ROBO2: variants seen among roughly 807,000 people sequenced by gnomAD.
ROBO2 encodes roundabout homolog 2.
In ROBO2, 53 loss-of-function variants were observed where a neutral mutation model predicts 160.8. The ratio of observed to expected loss-of-function variants is 0.33; its 90% CI spans 0.26 to 0.41. The LOEUF (loss-of-function observed/expected upper bound fraction) is 0.41, where lower values mean the gene tolerates loss of function less well. ROBO2 is among the 10% of genes least tolerant of loss of function. ROBO2 has a pLI of 1.00. For synonymous variants in ROBO2, 664 were observed against 611.7 expected (o/e 1.09, Z -1.26); for missense variants, 1,577 against 1,722.4 (o/e 0.92, Z 1.49).
Position 75,926,663 on chromosome 3 carries a change from C to CA in ROBO2, c.-13-10817dup, listed in dbSNP as rs549455062. 1.9e-3 allele frequency among the ~76,000 whole-genome samples: 295 copies of CA among 152,258 alleles called. 2 individuals carry two copies. Among genetic ancestry groups the CA allele is most frequent in the Admixed American group, 5.7e-3 (87 of 15,302 alleles). On this transcript the variant is annotated intron_variant, in intron 1 of 26. Coordinates refer to the ROBO2 transcript ENST00000487694. ...TAAGGTGTTAAGGAACATTAGGTAT[C>CA]AGAGTTTATGGCATTTGATTAATCT... is the stretch of plus-strand genomic sequence containing the variant.
intron 2 of ROBO2, among the ~76,000 whole-genome samples, chr3:76,114,597 C>T (rs1191647335): frequency 1.3e-5 from 2 of 151,828 alleles, no homozygotes; most frequent in Non-Finnish European, 2.9e-5. Flanking sequence ...AGAAATTGAA[C>T]ATTAAAGTGG....
At chr3:77,497,242 T>C (rs1202641091) in intron 5 of ROBO2, among the ~76,000 whole-genome samples, 19 of 152,118 alleles carry the variant, frequency 1.2e-4, no homozygotes, top group Non-Finnish European at 1.9e-4. Flanking sequence ...CAATACTGTT[T>C]TCTAGAAGAT....
At chr3:76,591,379 T>C (rs2086407145) in intron 2 of ROBO2, among the ~76,000 whole-genome samples, 1 of 152,124 alleles carries the variant, frequency 6.6e-6, no homozygotes, top group South Asian at 2.1e-4. Context: ...CAGGCATACA[T>C]GGGCCTATGT....
intron 2 of ROBO2, among the ~76,000 whole-genome samples, chr3:76,171,121 C>A (rs976425580): frequency 2.0e-5 from 3 of 152,098 alleles, no homozygotes; most frequent in Non-Finnish European, 4.4e-5. Context: ...TTCCCAGGAA[C>A]CTTGACAGTT....
rs746258981 is a variant in ROBO2, at chr3:77,565,134, C to T, written c.1849+14C>T. On this transcript the variant is annotated intron_variant, in intron 12 of 25. Transcript: ENST00000461745. ...TGCGCACACAAGGTACTTTCAACAG[C>T]TGTCAACAAGACTGGTTCTAGGCAG... is the stretch of plus-strand genomic sequence containing the variant. 4 of 1,613,316 alleles carry T rather than the reference C, an allele frequency of 2.5e-6. No individual in the cohort carries two copies. The South Asian group carries it at 3.3e-5, about 13-fold the overall frequency.
intron 2 of ROBO2, among the ~76,000 whole-genome samples, chr3:76,619,361 T>G (rs1285993306): frequency 6.7e-6 from 1 of 148,574 alleles, no homozygotes; most frequent in Non-Finnish European, 1.5e-5. Context: ...AAGAAAAAAA[T>G]AGCCTCTAGT....
At chr3:76,735,934 C>T (rs958447666) in intron 2 of ROBO2, among the ~76,000 whole-genome samples, 1 of 151,780 alleles carries the variant, frequency 6.6e-6, no homozygotes, top group Non-Finnish European at 1.5e-5. Context: ...TTTTATTTAT[C>T]TTATAAATAA....
At chr3:76,947,704 T>C (rs773586888) in intron 2 of ROBO2, among the ~76,000 whole-genome samples, 30 of 151,916 alleles carry the variant, frequency 2.0e-4, no homozygotes, top group South Asian at 2.1e-4. Context: ...ATCGATGACA[T>C]GGGACTGGTT....
intron 2 of ROBO2, among the ~76,000 whole-genome samples, chr3:76,736,238 C>T (rs60470784): frequency 0.64 from 95,983 of 150,044 alleles, 30,744 homozygotes; most frequent in African/African-American, 0.67. Flanking sequence ...GCCGAGATCG[C>T]GTCCCTGCAC....
exon 12 of ROBO2, chr3:77,564,965 G>A (rs761048204): frequency 6.2e-7 from 1 of 1,613,328 alleles, no homozygotes; most frequent in South Asian, 1.1e-5. Context: ...CAATCAGTGA[G>A]CAACAGCTGG....
At chr3:77,527,517 G>A in intron 6 of ROBO2, 103 bp downstream of exon 7, 1 of 900,886 alleles carries the variant, frequency 1.1e-6, no homozygotes, top group Non-Finnish European at 1.5e-6. Flanking sequence ...TTTTACCCAT[G>A]TTAAAATAAT....
intron 2 of ROBO2, among the ~76,000 whole-genome samples, chr3:76,057,703 A>G (rs1050923921): frequency 6.6e-6 from 1 of 151,120 alleles, no homozygotes; most frequent in African/African-American, 2.4e-5. Flanking sequence ...ACAAGACCAG[A>G]TTTTTTTTTC....
intron 2 of ROBO2, among the ~76,000 whole-genome samples, chr3:77,298,069 A>C (rs946638672): frequency 6.6e-6 from 1 of 152,130 alleles, no homozygotes; most frequent in Non-Finnish European, 1.5e-5. Context: ...GCCAACAATG[A>C]GTGTCATTGG....
intron 2 of ROBO2, among the ~76,000 whole-genome samples, chr3:76,323,419 A>G (rs1039638976): frequency 4.6e-5 from 7 of 152,054 alleles, no homozygotes; most frequent in Non-Finnish European, 1.0e-4. Flanking sequence ...TTTTATTTTT[A>G]GTCAAATAAA....
At chr3:77,106,652 T>C (rs893964882) in intron 2 of ROBO2, among the ~76,000 whole-genome samples, 2 of 152,196 alleles carry the variant, frequency 1.3e-5, no homozygotes, top group Non-Finnish European at 2.9e-5. Flanking sequence ...GTTTTTGCTT[T>C]ATAGATGTTT....
At chr3:76,901,916 A>G (rs1379281043) in intron 2 of ROBO2, among the ~76,000 whole-genome samples, 1 of 151,942 alleles carries the variant, frequency 6.6e-6, no homozygotes, top group Non-Finnish European at 1.5e-5. Context: ...CTTTCACCAT[A>G]CACACCTAAG....
chr3:76,035,769 T>A (rs1427828119), intron 2 of ROBO2, among the ~76,000 whole-genome samples: 1 of 152,020 alleles, frequency 6.6e-6, no homozygotes, highest in African/African-American at 2.4e-5. Flanking sequence ...TCATTATCGA[T>A]TGAAAACAAT....
intron 2 of ROBO2, among the ~76,000 whole-genome samples, chr3:76,116,233 C>G (rs943873947): frequency 6.6e-6 from 1 of 152,078 alleles, no homozygotes; most frequent in Non-Finnish European, 1.5e-5. Context: ...AGTAGATCTT[C>G]TATTACATGT....
At chr3:77,476,157 A>G (rs1014132393) in intron 2 of ROBO2, among the ~76,000 whole-genome samples, 1 of 152,202 alleles carries the variant, frequency 6.6e-6, no homozygotes, top group Non-Finnish European at 1.5e-5. Flanking sequence ...TCTTTTAAGG[A>G]CAGGGTTTTT....
Sources: allele counts gnomAD v4.1 joint callset (sites outside exome capture counted in the v4.1 genomes callset), GRCh38; gene constraint gnomAD v4.1.1; transcripts MANE v1.5; gene names NCBI Gene and HGNC (gene_info 2026-07-23, HGNC 2026-07-21).